DOCK5: variants seen among roughly 807,000 people sequenced by gnomAD.
DOCK5 encodes dedicator of cytokinesis 5.
A neutral mutation model predicts 251.8 loss-of-function variants in DOCK5; 142 were observed. The ratio of observed to expected loss-of-function variants is 0.56; its 90% CI spans 0.49 to 0.65. The LOEUF (loss-of-function observed/expected upper bound fraction) is 0.65, where lower values mean the gene tolerates loss of function less well. Among genes scored for constraint, DOCK5 ranks in the 30% least tolerant of loss-of-function variants. The pLI, the probability that DOCK5 is intolerant of heterozygous loss-of-function variation, is 0.00. For missense variants in DOCK5, 2,111 were observed against 2,312.3 expected, an observed-to-expected ratio of 0.91 and a Z score of 1.79; for synonymous variants, 842 against 835.5, an observed-to-expected ratio of 1.01 and a Z score of -0.13.
chr8:25,273,527 C>T (rs1179464660), intron 3 of DOCK5, among the ~76,000 whole-genome samples: 4 of 152,178 alleles, frequency 2.6e-5, no homozygotes, highest in South Asian at 2.1e-4. Flanking sequence ...TGCTTGAGCC[C>T]GGAGGGCGGA....
chr8:25,294,683 A>G (rs1280555917), intron 6 of DOCK5, among the ~76,000 whole-genome samples: 2 of 152,198 alleles, frequency 1.3e-5, no homozygotes, highest in South Asian at 2.1e-4. Context: ...CCATTCTCAC[A>G]CTGCTATAAA....
At chr8:25,389,640 C>G (rs1017808238) in intron 41 of DOCK5, among the ~76,000 whole-genome samples, 4 of 152,096 alleles carry the variant, frequency 2.6e-5, no homozygotes, top group Non-Finnish European at 4.4e-5. Flanking sequence ...GCTTTTGAAG[C>G]CTAACTTTAC....
intron 27 of DOCK5, among the ~76,000 whole-genome samples, chr8:25,354,044 A>C (rs1800519676): frequency 1.1e-5 from 1 of 89,236 alleles, no homozygotes; most frequent in African/African-American, 4.0e-5. Context: ...AAAAAAAAAA[A>C]AAAACAAACA....
Position 25,403,724 on chromosome 8 carries a change from G to T in DOCK5, c.5093G>T (p.Gly1698Val). 1 of 1,613,712 alleles carries T rather than the reference G, an allele frequency of 6.2e-7. No homozygotes were observed. The highest frequency in any genetic ancestry group is 8.5e-7 in the Non-Finnish European group (1 of 1,179,726). ...GCTCCTTCCAGACCGGGATCTGATG[G>T]GTAAGGGTTTCATCTTTAATCTGCA... ...DNAPSRPGSD[G>V]SILEPLLERR... is the part of the protein sequence containing the mutation. The change falls in exon 48 of 52, where the codon GGC becomes GTC. Residue 1698 changes from glycine to valine, a missense_variant and splice_region_variant. By Grantham distance (109) the Gly-to-Val change is moderately radical. Around this residue, in one of 3 missense-constraint regions of DOCK5, gnomAD observed 1,717 missense variants for 1,892.4 expected, o/e 0.91. Coordinates refer to ENST00000276440, the MANE Select transcript of DOCK5 (RefSeq NM_024940.8).
chr8:25,221,901 T>G (rs1460377854), intron 1 of DOCK5, among the ~76,000 whole-genome samples: 1 of 152,180 alleles, frequency 6.6e-6, no homozygotes, highest in Admixed American at 6.5e-5. Flanking sequence ...AATGGCATAG[T>G]AACGCTGATC....
At position 25,408,853 on chromosome 8, in the gene DOCK5, C is replaced by T. The variant is rs146451266; in HGVS notation, c.5317C>T (p.Arg1773Trp). The change falls in exon 50 of 52, where the codon CGG becomes TGG. Residue 1773 changes from arginine (R) to tryptophan (W), a missense_variant. Physicochemically the swap from Arg to Trp is moderately radical, Grantham distance 101 (BLOSUM62 -3). Coordinates refer to ENST00000276440, the MANE Select transcript of DOCK5 (RefSeq NM_024940.8). The part of the protein sequence containing the change: ...RPKSLQLMDN[R>W]LSPFHGSSPP... ...AAAGAGTCTCCAGTTGATGGATAAT[C>T]GGCTATCACCATTTCACGGTTCTTC... The T allele has an allele frequency of 2.5e-5, 40 of 1,613,900 alleles. No individual in the cohort carries two copies. Among genetic ancestry groups the T allele is most frequent in the African/African-American group, 1.7e-4 (13 of 74,932 alleles).
intron 50 of DOCK5, 82 bp from the exon 51 acceptor site, chr8:25,410,017 G>T: frequency 8.7e-7 from 1 of 1,152,042 alleles, no homozygotes; most frequent in South Asian, 1.4e-5. Flanking sequence ...GGTTGGCTTA[G>T]GTGTTACAGT....
intron 1 of DOCK5, among the ~76,000 whole-genome samples, chr8:25,235,152 C>T (rs960751305): frequency 1.3e-5 from 2 of 152,172 alleles, no homozygotes; most frequent in African/African-American, 4.8e-5. Context: ...GTACTGTTGC[C>T]TCCCTTTTTC....
intron 3 of DOCK5, among the ~76,000 whole-genome samples, chr8:25,271,877 T>G (rs980173186): frequency 2.6e-5 from 4 of 152,170 alleles, no homozygotes; most frequent in African/African-American, 9.7e-5. Flanking sequence ...AGCATCAGAT[T>G]TGCCAGAGCA....
intron 7 of DOCK5, among the ~76,000 whole-genome samples, chr8:25,297,328 G>T (rs1804644469): frequency 6.6e-6 from 1 of 150,796 alleles, no homozygotes; most frequent in Admixed American, 6.7e-5. Flanking sequence ...CCAGATCTCA[G>T]CTCACTGCAA....
Position 25,374,875 on chromosome 8 carries a change from C to T in DOCK5, c.3816+221C>T, listed in dbSNP as rs186285633. 2.3e-4 allele frequency: 318 copies of T among 1,365,526 alleles called. No individual in the cohort carries two copies. In the African/African-American group the frequency reaches 4.3e-3, roughly 18 times the overall value. The allele number at this position is 1,365,526 out of a possible 1,614,324, so 84.6% of individuals were successfully genotyped here. On this transcript the variant is annotated intron_variant, in intron 37 of 51. Coordinates refer to ENST00000276440, the MANE Select transcript of DOCK5 (RefSeq NM_024940.8). The stretch of plus-strand genomic sequence containing the variant: ...TTAAAAATCCTTAGAAAGCAGAGCA[C>T]GACTTATGAACCTTTGGTAATTGAC...
chr8:25,267,230 C>T (rs538253911), intron 2 of DOCK5, among the ~76,000 whole-genome samples: 2 of 152,222 alleles, frequency 1.3e-5, no homozygotes, highest in East Asian at 1.9e-4. Flanking sequence ...CATCCTAAAT[C>T]GGGGGAAGTG....
intron 29 of DOCK5, among the ~76,000 whole-genome samples, chr8:25,364,200 T>C (rs1372170873): frequency 1.3e-5 from 2 of 152,240 alleles, no homozygotes; most frequent in Non-Finnish European, 2.9e-5. Flanking sequence ...TTATTAACTC[T>C]ACATGATACC....
At chr8:25,198,656 T>C (rs1200050108) in intron 1 of DOCK5, among the ~76,000 whole-genome samples, 1 of 152,070 alleles carries the variant, frequency 6.6e-6, no homozygotes, top group Admixed American at 6.6e-5. Context: ...AATCAGAAGA[T>C]ATTAAGAGCC....
intron 1 of DOCK5, among the ~76,000 whole-genome samples, chr8:25,200,721 A>G (rs928629368): frequency 3.3e-5 from 5 of 152,236 alleles, no homozygotes; most frequent in African/African-American, 7.2e-5. Flanking sequence ...TTAGTTACTT[A>G]TGACCATCTC....
chr8:25,352,394 T>C lies in DOCK5; in HGVS notation c.2850+568T>C, dbSNP rs770696666. Among the ~76,000 whole-genome samples the C allele has an allele frequency of 2.0e-5, 3 of 152,130 alleles. No homozygotes were observed. In the Middle Eastern group the frequency reaches 0.01, roughly 517 times the overall value. ...GAAACCAAACATTTTAAAGAACCTGTGGTTAGCATGCTTGTGGAAAGGCCA... is the reference window on the plus strand; with the variant it reads ...GAAACCAAACATTTTAAAGAACCTGCGGTTAGCATGCTTGTGGAAAGGCCA... On this transcript the variant is annotated intron_variant, in intron 27 of 51. Coordinates refer to ENST00000276440, the MANE Select transcript of DOCK5 (RefSeq NM_024940.8).
intron 25 of DOCK5, among the ~76,000 whole-genome samples, chr8:25,343,972 A>AT (rs897224136): frequency 4.7e-4 from 72 of 151,968 alleles, no homozygotes; most frequent in African/African-American, 1.6e-3. Flanking sequence ...TGCCCAGCTA[A>AT]TTTTTTTTGT....
At chr8:25,220,496 G>A (rs1462568860) in intron 1 of DOCK5, among the ~76,000 whole-genome samples, 3 of 152,130 alleles carry the variant, frequency 2.0e-5, no homozygotes, top group Non-Finnish European at 2.9e-5. Flanking sequence ...TGCTGCTAGG[G>A]CTCTTTGTCT....
In DOCK5 at chr8:25,284,137, C is replaced by T. The variant is rs113789536; in HGVS notation, c.321+5472C>T. 4.4e-3 allele frequency among the ~76,000 whole-genome samples: 669 copies of T among 152,326 alleles called. 2 individuals are homozygous for T. Among genetic ancestry groups the T allele is most frequent in the Admixed American group, 9.3e-3 (143 of 15,300 alleles). The stretch of plus-strand genomic sequence containing the variant: ...GGATGCAGAAGGCTACTAGCTGATC[C>T]TGCTGCCTAAGACAAGTCCCTTGAT... On this transcript the variant is annotated intron_variant, in intron 5 of 51. Transcript: ENST00000276440.
Sources: gnomAD v4.1 joint callset for allele counts (sites outside exome capture counted in the v4.1 genomes callset) on GRCh38, gnomAD v4.1.1 for gene constraint, gnomAD v4.1.1 regional missense constraint, MANE v1.5 for transcripts, NCBI Gene and HGNC (gene_info 2026-07-23, HGNC 2026-07-21) for gene names.